Variants in CHTOP observed in about 807,000 individuals in gnomAD.
The protein encoded by CHTOP is chromatin target of PRMT1 protein.
Under a neutral mutation model 33.6 loss-of-function variants are expected in CHTOP, and 18 were observed. That is an observed-to-expected ratio of 0.54 (90% CI 0.37 to 0.80). The LOEUF is 0.80. Ranked by LOEUF, CHTOP falls within the 30% of genes least tolerant of loss-of-function variation. The pLI is 0.00. For missense variants in CHTOP, 263 were observed against 336.8 expected (o/e 0.78, Z 1.71); for synonymous variants, 117 against 127.7 (o/e 0.92, Z 0.56).
rs1668214905 is a variant in CHTOP at position 153,634,244 on chromosome 1, C to G, written c.-117C>G. ...TAACCAACCGCCCATCTAGCTAACCCGAGCCCCTCCACCGTCAACTCAGGT... is the reference window on the plus strand; with the variant it reads ...TAACCAACCGCCCATCTAGCTAACCGGAGCCCCTCCACCGTCAACTCAGGT... On this transcript the variant is annotated 5_prime_UTR_variant, in exon 1 of 6. Transcript: ENST00000368694. The G allele has an allele frequency of 6.5e-6, 1 of 152,730 alleles. No homozygotes were observed. Among genetic ancestry groups the G allele is most frequent in the South Asian group, 2.1e-4 (1 of 4,836 alleles). 9.5% of individuals were successfully genotyped at this position (152,730 alleles called of 1,614,324 possible).
Position 153,636,663 on chromosome 1 carries a change from C to G in CHTOP, c.65+10C>G, listed in dbSNP as rs1668417009. 8.7e-6 allele frequency: 14 copies of G among 1,611,162 alleles called. No individual in the cohort carries two copies. The highest frequency in any genetic ancestry group is 1.3e-5 in the African/African-American group (1 of 74,986). Reference sequence around the variant, plus strand: ...TGTCTCTAAATGAGCGGTGAGGCAGCCAACAGCAACTTCAACTCCTTCCTA... The same window carrying G: ...TGTCTCTAAATGAGCGGTGAGGCAGGCAACAGCAACTTCAACTCCTTCCTA... On this transcript the variant is annotated intron_variant, in intron 2 of 5. Transcript: ENST00000368694.
chr1:153,641,558 CATT>C (rs1668625810), intron 3 of CHTOP, among the ~76,000 whole-genome samples: 1 of 152,050 alleles, frequency 6.6e-6, no homozygotes, highest in Non-Finnish European at 1.5e-5. Context: ...TTAAGGTCAT[CATT>C]GTTTTAAAGG....
In CHTOP at chr1:153,646,217, G is replaced by GT. The variant is rs1668821959; in HGVS notation, c.*951dup. On this transcript the variant is annotated 3_prime_UTR_variant, in exon 6 of 6. Transcript: ENST00000368694. ...TGTTTTGCCCTTGTTTCCCTTGAAGGTTTAAGTTCAACCATATTCTGTCAA... is the reference window on the plus strand; with the variant it reads ...TGTTTTGCCCTTGTTTCCCTTGAAGGTTTTAAGTTCAACCATATTCTGTCAA... 1 of 152,180 alleles carries GT rather than the reference G, an allele frequency of 6.6e-6. No homozygotes were observed. Among genetic ancestry groups the GT allele is most frequent in the African/African-American group, 2.4e-5 (1 of 41,446 alleles). 9.4% of individuals were successfully genotyped at this position (152,180 alleles called of 1,614,324 possible). A position where few individuals can be genotyped will look rare whatever the true frequency, so the allele number is the denominator to read the frequency against.
At chr1:153,640,409 C>T (rs534138018) in intron 3 of CHTOP, among the ~76,000 whole-genome samples, 1 of 152,020 alleles carries the variant, frequency 6.6e-6, no homozygotes, top group East Asian at 1.9e-4. Flanking sequence ...GTGGAGGTTG[C>T]GGTGAGTGGA....
In CHTOP at chr1:153,642,177, C is replaced by CTT. The variant is rs1330562690; in HGVS notation, c.220-67_220-66dup. 4.4e-6 allele frequency: 6 copies of CTT among 1,378,568 alleles called. No individual in the cohort carries two copies. In the East Asian group the frequency reaches 1.4e-4, roughly 33 times the overall value. The allele number at this position is 1,378,568 out of a possible 1,614,324, so 85.4% of individuals were successfully genotyped here. A position where few individuals can be genotyped will look rare whatever the true frequency, so the allele number is the denominator to read the frequency against. The stretch of plus-strand genomic sequence containing the variant: ...TCTCACTTGCTTCTTTTTCTCTGCA[C>CTT]TTTGAGTTGCCAAATCCTGTTGGAT... On this transcript the variant is annotated intron_variant, in intron 3 of 5. Coordinates refer to ENST00000368694, the MANE Select transcript of CHTOP (RefSeq NM_015607.4).
At chr1:153,641,074 G>A (rs1303617302) in intron 3 of CHTOP, among the ~76,000 whole-genome samples, 3 of 152,196 alleles carry the variant, frequency 2.0e-5, no homozygotes, top group African/African-American at 4.8e-5. Flanking sequence ...AGGCCGTTAC[G>A]GTTGGTTACA....
intron 5 of CHTOP, chr1:153,644,362 A>T (rs1304421658): frequency 2.0e-5 from 3 of 152,258 alleles, no homozygotes; most frequent in Non-Finnish European, 2.9e-5. Context: ...GGAGAGACTA[A>T]AATAGCTTTT....
chr1:153,643,538 A>G (rs1668700766), intron 5 of CHTOP, 174 bp downstream of exon 5: 3 of 616,144 alleles, frequency 4.9e-6, no homozygotes, highest in Admixed American at 3.8e-5. Context: ...CAAAAGTCTC[A>G]TGATTTTTCC....
rs540550591 is a variant in CHTOP, at chr1:153,639,870, C to T, written c.219+1422C>T. ...GCAGTGGTGCAATCTCAACTCACTG[C>T]AGCCTCCGCCTCCCGGGTTCAAGCG... On this transcript the variant is annotated intron_variant, in intron 3 of 5. Coordinates refer to ENST00000368694, the MANE Select transcript of CHTOP (RefSeq NM_015607.4). Among the ~76,000 whole-genome samples, 11 of 152,298 alleles carry T rather than the reference C, an allele frequency of 7.2e-5. No individual in the cohort carries two copies. The South Asian group carries it at 2.1e-3, about 29-fold the overall frequency.
intron 1 of CHTOP, among the ~76,000 whole-genome samples, chr1:153,634,847 T>TAC (rs1185350431): frequency 8.4e-6 from 1 of 119,354 alleles, no homozygotes; most frequent in Admixed American, 9.2e-5. Flanking sequence ...TACATACATA[T>TAC]ATATATATAT....
chr1:153,638,521 A>G (rs1386691324), intron 3 of CHTOP, 73 bp downstream of exon 3: 7 of 1,554,286 alleles, frequency 4.5e-6, no homozygotes, highest in Middle Eastern at 1.7e-4. Context: ...GGCTGTCAGG[A>G]CGTGATGGAT....
intron 3 of CHTOP, among the ~76,000 whole-genome samples, chr1:153,641,041 G>A (rs1668604076): frequency 6.6e-6 from 1 of 152,212 alleles, no homozygotes; most frequent in Non-Finnish European, 1.5e-5. Flanking sequence ...TGATAATTGT[G>A]TGTTAATCGG....
At position 153,645,117 on chromosome 1, in the gene CHTOP, C is replaced by T. The variant is rs199527132; in HGVS notation, c.595C>T (p.Arg199Cys). ...GGGCTTTGGAGGCCGAGGCCGAGGCCGTGGACGAGGGAGAGGTGCCCTTGC... is the reference window on the plus strand; with the variant it reads ...GGGCTTTGGAGGCCGAGGCCGAGGCTGTGGACGAGGGAGAGGTGCCCTTGC... ...RGGFGGRGRG[R>C]GRGRGALARP... Residue 199 changes from arginine to cysteine, a missense_variant, in exon 6 of 6, where the codon CGT (arginine) becomes TGT (cysteine). Physicochemically the swap from Arg to Cys is radical, Grantham distance 180 (BLOSUM62 -3). Coordinates refer to ENST00000368694, the MANE Select transcript of CHTOP (RefSeq NM_015607.4). The T allele has an allele frequency of 1.1e-5, 17 of 1,613,896 alleles. No individual in the cohort carries two copies. The highest frequency in any genetic ancestry group is 8.9e-5 in the East Asian group (4 of 44,868).
intron 2 of CHTOP, chr1:153,637,634 G>A (rs1668456277): frequency 6.6e-6 from 1 of 152,290 alleles, no homozygotes; most frequent in Non-Finnish European, 1.5e-5. Context: ...GGCAACAGAG[G>A]ACAGAGTGAG....
chr1:153,638,182 T>A lies in CHTOP; in HGVS notation c.66-113T>A, dbSNP rs1668482095. 3 of 1,058,112 alleles carry A rather than the reference T, an allele frequency of 2.8e-6. No individual in the cohort carries two copies. In the East Asian group the frequency reaches 7.3e-5, roughly 26 times the overall value. The allele number at this position is 1,058,112 out of a possible 1,614,324, so 65.5% of individuals were successfully genotyped here. The stretch of plus-strand genomic sequence containing the variant: ...ATCAGCCTTGATCTAAGTGTACCAC[T>A]TTACTTAAAAGTTCGTGGGATCTGG... On this transcript the variant is annotated intron_variant, in intron 2 of 5. Transcript: ENST00000368694.
chr1:153,639,845 G>A (rs1262210052), intron 3 of CHTOP, among the ~76,000 whole-genome samples: 3 of 152,178 alleles, frequency 2.0e-5, no homozygotes, highest in African/African-American at 4.8e-5. Context: ...AGGCTGTAGT[G>A]CAGTGGTGCA....
intron 4 of CHTOP, 56 bp downstream of exon 4, chr1:153,642,485 G>A (rs760739543): frequency 1.4e-6 from 2 of 1,442,066 alleles, no homozygotes; most frequent in Admixed American, 2.2e-5. Context: ...CTTTTCTCTT[G>A]GGCTGCTTAT....
intron 3 of CHTOP, among the ~76,000 whole-genome samples, chr1:153,640,615 A>C (rs1668587147): frequency 6.6e-6 from 1 of 152,126 alleles, no homozygotes; most frequent in South Asian, 2.1e-4. Context: ...CCCCGTCTCC[A>C]CCAAAAATAA....
chr1:153,636,259 T>C (rs2101681738), intron 1 of CHTOP, among the ~76,000 whole-genome samples: 1 of 152,042 alleles, frequency 6.6e-6, no homozygotes, highest in East Asian at 1.9e-4. Flanking sequence ...CTGAGGTAAT[T>C]GCCATAGAAA....
Sources: allele counts gnomAD v4.1 joint callset (sites outside exome capture counted in the v4.1 genomes callset), GRCh38; gene constraint gnomAD v4.1.1; transcripts MANE v1.5; gene names NCBI Gene and HGNC (gene_info 2026-07-23, HGNC 2026-07-21).